ANP32A: variants seen among roughly 807,000 people sequenced by gnomAD.
ANP32A encodes acidic leucine-rich nuclear phosphoprotein 32 family member A.
Under a neutral mutation model 33.9 loss-of-function variants are expected in ANP32A, and 1 was observed. The ratio of observed to expected loss-of-function variants is 0.03; its 90% CI spans 0.01 to 0.14. The LOEUF (loss-of-function observed/expected upper bound fraction) is 0.14, where lower values mean the gene tolerates loss of function less well. Among genes scored for constraint, ANP32A ranks in the 10% least tolerant of loss-of-function variants. The pLI is 1.00. For synonymous variants in ANP32A, 115 were observed against 120.5 expected (o/e 0.95, Z 0.30); for missense variants, 155 against 306.0 (o/e 0.51, Z 3.68).
At chr15:68,820,380 T>C (rs1449490551) in intron 1 of ANP32A, among the ~76,000 whole-genome samples, 2 of 152,088 alleles carry the variant, frequency 1.3e-5, no homozygotes, top group South Asian at 2.1e-4. Flanking sequence ...TTCGCCTCAT[T>C]CTCTCCGACC....
At chr15:68,809,767 T>C (rs558068932) in intron 1 of ANP32A, among the ~76,000 whole-genome samples, 1 of 152,188 alleles carries the variant, frequency 6.6e-6, no homozygotes, top group South Asian at 2.1e-4. Context: ...GTGATGAAAG[T>C]GACAAGAAGG....
intron 1 of ANP32A, among the ~76,000 whole-genome samples, chr15:68,818,552 G>C (rs1006586751): frequency 3.3e-5 from 5 of 152,100 alleles, no homozygotes; most frequent in African/African-American, 1.2e-4. Flanking sequence ...TGGGCCGCGA[G>C]GCTGGGAGGC....
chr15:68,809,941 C>G lies in ANP32A; in HGVS notation c.54+10757G>C, dbSNP rs1175742632. Among the ~76,000 whole-genome samples, 7 of 152,212 alleles carry G rather than the reference C, an allele frequency of 4.6e-5. No homozygotes were observed. The East Asian group carries it at 1.3e-3, about 29-fold the overall frequency. On this transcript the variant is annotated intron_variant, in intron 1 of 6. Transcript: ENST00000465139. ...GGGACAGAGATGCTAATTAAACACT[C>G]ATAATCTGGAATATGTAGTTACAAA...
intron 1 of ANP32A, among the ~76,000 whole-genome samples, chr15:68,805,345 T>C (rs1314175834): frequency 6.6e-6 from 1 of 152,246 alleles, no homozygotes; most frequent in Non-Finnish European, 1.5e-5. Context: ...AGCCGTTGCC[T>C]TACCTGGAGG....
chr15:68,790,065 G>T (rs913453109), intron 1 of ANP32A: 1 of 152,346 alleles, frequency 6.6e-6, no homozygotes, highest in East Asian at 1.9e-4. Flanking sequence ...AACTGTGTTG[G>T]GGGAGGGGAG....
intron 4 of ANP32A, 63 bp from the exon 5 acceptor site, chr15:68,783,116 AGCACAG>A: frequency 4.5e-6 from 7 of 1,546,578 alleles, no homozygotes; most frequent in Non-Finnish European, 6.1e-6. Flanking sequence ...CCCCCCACAC[AGCACAG>A]GCCCCTTGTA....
intron 5 of ANP32A, among the ~76,000 whole-genome samples, chr15:68,782,478 T>A (rs1000491225): frequency 1.3e-5 from 2 of 152,068 alleles, no homozygotes; most frequent in Non-Finnish European, 2.9e-5. Flanking sequence ...CCAGCCAATC[T>A]CTTTAGGAAA....
chr15:68,803,053 G>A (rs1441562415), intron 1 of ANP32A, among the ~76,000 whole-genome samples: 1 of 152,060 alleles, frequency 6.6e-6, no homozygotes, highest in Non-Finnish European at 1.5e-5. Flanking sequence ...AGGTGCTGAG[G>A]GTACAATGAT....
intron 3 of ANP32A, among the ~76,000 whole-genome samples, chr15:68,784,799 T>A (rs906470124): frequency 4.6e-5 from 7 of 152,152 alleles, no homozygotes; most frequent in African/African-American, 1.7e-4. Context: ...GGCGTCTCCA[T>A]CTGGAAAATG....
intron 1 of ANP32A, among the ~76,000 whole-genome samples, chr15:68,807,323 G>A (rs544664764): frequency 5.4e-5 from 8 of 148,702 alleles, no homozygotes; most frequent in African/African-American, 1.9e-4. Flanking sequence ...CAACTGCTAT[G>A]GGAAAGGTGA....
chr15:68,806,115 A>G (rs892363214), intron 1 of ANP32A, among the ~76,000 whole-genome samples: 3 of 152,004 alleles, frequency 2.0e-5, no homozygotes, highest in Non-Finnish European at 4.4e-5. Flanking sequence ...TGCAGAAACC[A>G]CCCCCATAAC....
intron 1 of ANP32A, among the ~76,000 whole-genome samples, chr15:68,808,858 C>T (rs1180892422): frequency 6.6e-6 from 1 of 152,178 alleles, no homozygotes; most frequent in African/African-American, 2.4e-5. Context: ...TGCAGAGTTC[C>T]AGCACAACTT....
chr15:68,801,981 C>T (rs1231865614), intron 1 of ANP32A: 1 of 153,454 alleles, frequency 6.5e-6, no homozygotes, highest in Non-Finnish European at 1.5e-5. Flanking sequence ...TGCAGATTAC[C>T]CTAGCACAAG....
intron 1 of ANP32A, among the ~76,000 whole-genome samples, chr15:68,795,737 G>A (rs997246155): frequency 3.3e-5 from 5 of 152,160 alleles, no homozygotes. Flanking sequence ...TTTAGCTGGT[G>A]AATCCTAGCT....
intron 3 of ANP32A, among the ~76,000 whole-genome samples, chr15:68,785,246 C>T (rs1374687088): frequency 2.0e-5 from 3 of 152,140 alleles, no homozygotes; most frequent in African/African-American, 7.2e-5. Flanking sequence ...TGGAGGACCC[C>T]AATTCTGTCC....
intron 3 of ANP32A, chr15:68,787,043 G>A (rs1422744989): frequency 1.3e-5 from 3 of 236,552 alleles, no homozygotes; most frequent in African/African-American, 6.8e-5. Context: ...TTTAATTCTT[G>A]GATTGCTCCT....
rs1894464920 is a variant in ANP32A, at chr15:68,820,786, CG to C, written c.-36del. On this transcript the variant is annotated 5_prime_UTR_variant, in exon 1 of 7. Coordinates refer to ENST00000465139, the MANE Select transcript of ANP32A (RefSeq NM_006305.4). The stretch of plus-strand genomic sequence containing the variant: ...TCTCTCTCTGCAGAGGCTCCCGCGC[CG>C]GCGGAATTCAATCAATAAACCCCGA... The C allele has an allele frequency of 6.2e-7, 1 of 1,613,554 alleles. No individual in the cohort carries two copies. Among genetic ancestry groups the C allele is most frequent in the Admixed American group, 1.7e-5 (1 of 60,006 alleles).
At chr15:68,787,657 A>C in intron 2 of ANP32A, 113 bp downstream of exon 2, 2 of 1,594,262 alleles carry the variant, frequency 1.3e-6, no homozygotes, top group Non-Finnish European at 1.7e-6. Flanking sequence ...ATTGTCTGGC[A>C]TGTTGGTGCA....
chr15:68,790,723 T>C (rs963446454), intron 1 of ANP32A: 2 of 152,186 alleles, frequency 1.3e-5, no homozygotes, highest in African/African-American at 4.8e-5. Context: ...GGTGGGTGTC[T>C]ACTGCACTCA....
Sources: gnomAD v4.1 joint callset for allele counts (sites outside exome capture counted in the v4.1 genomes callset) on GRCh38, gnomAD v4.1.1 for gene constraint, MANE v1.5 for transcripts, NCBI Gene and HGNC (gene_info 2026-07-23, HGNC 2026-07-21) for gene names.